LAX1: variants seen among roughly 807,000 people sequenced by gnomAD.
The protein encoded by LAX1 is lymphocyte transmembrane adaptor 1, also known as lymphocyte transmembrane adapter 1.
In LAX1, 17 loss-of-function variants were observed where a neutral mutation model predicts 20.7. The ratio of observed to expected loss-of-function variants is 0.82; its 90% CI spans 0.56 to 1.23. The LOEUF (loss-of-function observed/expected upper bound fraction) is 1.23, where lower values mean the gene tolerates loss of function less well. Ranked by LOEUF, LAX1 falls within the 50% of genes most tolerant of loss-of-function variation. The pLI is 0.00. For synonymous variants in LAX1, 165 were observed against 181.0 expected, an observed-to-expected ratio of 0.91 and a Z score of 0.71; for missense variants, 470 against 487.0, an observed-to-expected ratio of 0.97 and a Z score of 0.33.
At position 203,774,300 on chromosome 1, in the gene LAX1, A is replaced by G. The variant is rs145804271; in HGVS notation, c.816A>G (p.Thr272=). 6 of 1,614,090 alleles carry G rather than the reference A, an allele frequency of 3.7e-6. No homozygotes were observed. In the African/African-American group the frequency reaches 6.7e-5, roughly 18 times the overall value. Reference sequence around the variant, plus strand: ...TCTCAAATGACTATGTCAACATGACAGGGTTGGATCTCAGTGCCATCCAGG... The same window carrying G: ...TCTCAAATGACTATGTCAACATGACGGGGTTGGATCTCAGTGCCATCCAGG... The part of the protein sequence containing the change: ...SQISNDYVNM[T]GLDLSAIQER... Residue 272 remains threonine, a synonymous_variant, in exon 5 of 5, where the codon ACA becomes ACG. Coordinates refer to ENST00000442561, the MANE Select transcript of LAX1 (RefSeq NM_017773.4).
In LAX1 at chr1:203,774,521, C is replaced by T. The variant is rs1386884205; in HGVS notation, c.1037C>T (p.Ala346Val). 3.1e-6 allele frequency: 5 copies of T among 1,614,082 alleles called. No homozygotes were observed. The highest frequency in any genetic ancestry group is 3.3e-5 in the Admixed American group (2 of 60,002). Reference sequence around the variant, plus strand: ...ACATTCCTTGCTTCAGGGGATTATGCAGACTTTCAGCCATTCACACAGAGT... The same window carrying T: ...ACATTCCTTGCTTCAGGGGATTATGTAGACTTTCAGCCATTCACACAGAGT... ...KRTFLASGDYADFQPFTQSED... is the reference protein window; with the variant it reads ...KRTFLASGDYVDFQPFTQSED... Residue 346 changes from alanine (A) to valine (V), a missense_variant, in exon 5 of 5, where the codon GCA becomes GTA. Transcript: ENST00000442561.
chr1:203,772,240 C>T (rs3737973), intron 4 of LAX1, 93 bp downstream of exon 4: 4 of 966,244 alleles, frequency 4.1e-6, no homozygotes, highest in Admixed American at 3.8e-5. Flanking sequence ...TCACTGCAAA[C>T]AAACAGCATG....
At chr1:203,769,306 C>T (rs1007651818) in intron 1 of LAX1, among the ~76,000 whole-genome samples, 4 of 151,074 alleles carry the variant, frequency 2.6e-5, no homozygotes, top group Middle Eastern at 3.4e-3. Flanking sequence ...GCAGGAGAAT[C>T]GCTTGAACCT....
At position 203,774,232 on chromosome 1, in the gene LAX1, G is replaced by A. The variant is rs137986836; in HGVS notation, c.748G>A (p.Glu250Lys). 7.4e-6 allele frequency: 12 copies of A among 1,614,052 alleles called. No individual in the cohort carries two copies. The highest frequency in any genetic ancestry group is 1.0e-5 in the Non-Finnish European group (12 of 1,180,042). ...CACCAGTTTGTATTCTCCAGGAGCT[G>A]AGGACAGTGATTCACTCAGCAATGG... ...DCTSLYSPGA[E>K]DSDSLSNGEG... Residue 250 changes from glutamate to lysine, a missense_variant, in exon 5 of 5, where the codon GAG (glutamate) becomes AAG (lysine). Transcript: ENST00000442561.
intron 2 of LAX1, 30 bp downstream of exon 2, chr1:203,770,967 C>A: frequency 6.7e-7 from 1 of 1,492,766 alleles, no homozygotes; most frequent in Non-Finnish European, 9.4e-7. Context: ...TGAGTTGAGA[C>A]ACAGTAGGAT....
chr1:203,773,346 C>T lies in LAX1; in HGVS notation c.391-529C>T, dbSNP rs191388441. ...GGAGGCACCTGTAATCCCAGCTACT[C>T]AGGAGGTTGAGGCGGGAGAATCGAT... is the stretch of plus-strand genomic sequence containing the variant. On this transcript the variant is annotated intron_variant, in intron 4 of 4. Transcript: ENST00000442561. 1.4e-3 allele frequency among the ~76,000 whole-genome samples: 218 copies of T among 152,098 alleles called. 2 individuals are homozygous for T. The highest frequency in any genetic ancestry group is 5.2e-3 in the African/African-American group (214 of 41,498).
At chr1:203,770,473 G>GAGA (rs1667391929) in intron 1 of LAX1, among the ~76,000 whole-genome samples, 1 of 27,856 alleles carries the variant, frequency 3.6e-5, no homozygotes, top group Non-Finnish European at 8.9e-5. Flanking sequence ...AAGGAAGGAA[G>GAGA]GAAGGAAGGA....
At position 203,765,399 on chromosome 1, in the gene LAX1, T is replaced by C. The variant is rs761259663; in HGVS notation, c.-167T>C. 13 of 1,551,748 alleles carry C rather than the reference T, an allele frequency of 8.4e-6. No individual in the cohort carries two copies. The highest frequency in any genetic ancestry group is 4.8e-5 in the South Asian group (4 of 84,094). ...CCACGTCCAGGTAGAACCAAACCTGTTGCTTTTGTATGTTGGGTCAACTTG... is the reference window on the plus strand; with the variant it reads ...CCACGTCCAGGTAGAACCAAACCTGCTGCTTTTGTATGTTGGGTCAACTTG... On this transcript the variant is annotated 5_prime_UTR_variant, in exon 1 of 5. Transcript: ENST00000442561.
At chr1:203,768,862 G>C (rs917855529) in intron 1 of LAX1, among the ~76,000 whole-genome samples, 2 of 152,164 alleles carry the variant, frequency 1.3e-5, no homozygotes, top group Admixed American at 1.3e-4. Flanking sequence ...GGCAACAGAG[G>C]AGCAAGAGGT....
chr1:203,771,260 C>G (rs544797541), intron 2 of LAX1, 107 bp from the exon 3 acceptor site: 62 of 790,096 alleles, frequency 7.8e-5, no homozygotes, highest in Non-Finnish European at 1.3e-4. Context: ...TTTGTGAGAA[C>G]TGGCAAGGAT....
At chr1:203,766,145 A>G (rs1041588336) in intron 1 of LAX1, among the ~76,000 whole-genome samples, 28 of 152,232 alleles carry the variant, frequency 1.8e-4, no homozygotes, top group African/African-American at 6.5e-4. Flanking sequence ...TCTCATACAA[A>G]CAAAATTAAA....
intron 2 of LAX1, 45 bp downstream of exon 2, chr1:203,770,982 A>T: frequency 6.9e-7 from 1 of 1,442,094 alleles, no homozygotes; most frequent in Non-Finnish European, 9.8e-7. Flanking sequence ...TAGGATTATT[A>T]ATCTAGGCTG....
At chr1:203,765,696 A>G (rs1415408717) in intron 1 of LAX1, 42 bp downstream of exon 1, 34 of 1,588,406 alleles carry the variant, frequency 2.1e-5, no homozygotes, top group Non-Finnish European at 2.8e-5. Context: ...GCCCTGATTT[A>G]GGCAGAAGGT....
Position 203,773,955 on chromosome 1 carries a change from C to A in LAX1, c.471C>A (p.Asn157Lys). ...ATEYAVGIYD[N>K]AMVPQMCGNL... ...AGTACGCGGTGGGTATCTATGACAA[C>A]GCCATGGTCCCCCAGATGTGTGGGA... The change falls in exon 5 of 5, where the codon AAC (asparagine) becomes AAA (lysine). Residue 157 changes from asparagine to lysine, a missense_variant. Asn to Lys is a moderately conservative substitution (Grantham distance 94). Coordinates refer to ENST00000442561, the MANE Select transcript of LAX1 (RefSeq NM_017773.4). 1 of 1,613,942 alleles carries A rather than the reference C, an allele frequency of 6.2e-7. No individual in the cohort carries two copies. The highest frequency in any genetic ancestry group is 8.5e-7 in the Non-Finnish European group (1 of 1,179,978).
chr1:203,774,777 C>A lies in LAX1; in HGVS notation c.*96C>A. 1 of 970,522 alleles carries A rather than the reference C, an allele frequency of 1.0e-6. No individual in the cohort carries two copies. Among genetic ancestry groups the A allele is most frequent in the Non-Finnish European group, 1.5e-6 (1 of 653,538 alleles). 60.1% of individuals were successfully genotyped at this position (970,522 alleles called of 1,614,324 possible). On this transcript the variant is annotated 3_prime_UTR_variant, in exon 5 of 5. Coordinates refer to ENST00000442561, the MANE Select transcript of LAX1 (RefSeq NM_017773.4). The stretch of plus-strand genomic sequence containing the variant: ...GTGCAGACCCGTGATCACCTTAGTG[C>A]TTCAGTGGATTCACTGGTTAGATTA...
intron 1 of LAX1, among the ~76,000 whole-genome samples, chr1:203,766,313 C>T (rs938528593): frequency 3.3e-5 from 5 of 152,048 alleles, no homozygotes; most frequent in Non-Finnish European, 7.4e-5. Context: ...GGTGAAACCC[C>T]GTTTCTACTA....
Position 203,765,284 on chromosome 1 carries a change from G to A in LAX1, c.-282G>A, listed in dbSNP as rs140689630. The stretch of plus-strand genomic sequence containing the variant: ...TGCCCCTCACGTTTCCACCAGAAAC[G>A]TGAAGGCAGAGGCCACAGATTCTCC... On this transcript the variant is annotated 5_prime_UTR_variant, in exon 1 of 5. It adds an upstream start codon to the 5' untranslated region. Transcript: ENST00000442561. The A allele has an allele frequency of 4.1e-4, 604 of 1,484,888 alleles. No individual in the cohort carries two copies. The highest frequency in any genetic ancestry group is 3.8e-4 in the Non-Finnish European group (408 of 1,086,794). The allele number at this position is 1,484,888 out of a possible 1,614,324, so 92.0% of individuals were successfully genotyped here. A position where few individuals can be genotyped will look rare whatever the true frequency, so the allele number is the denominator to read the frequency against.
intron 1 of LAX1, among the ~76,000 whole-genome samples, chr1:203,766,198 T>A (rs558308580): frequency 1.3e-5 from 2 of 152,262 alleles, no homozygotes; most frequent in East Asian, 3.9e-4. Context: ...GGCAGCTGAC[T>A]GGGCGCGGTG....
At chr1:203,772,827 C>G (rs1162997876) in intron 4 of LAX1, among the ~76,000 whole-genome samples, 3 of 151,826 alleles carry the variant, frequency 2.0e-5, no homozygotes, top group Non-Finnish European at 4.4e-5. Flanking sequence ...AGGCACACAC[C>G]ACCACGCCTG....
Sources: gnomAD v4.1 joint callset for allele counts (sites outside exome capture counted in the v4.1 genomes callset) on GRCh38, gnomAD v4.1.1 for gene constraint, MANE v1.5 for transcripts, NCBI Gene and HGNC (gene_info 2026-07-23, HGNC 2026-07-21) for gene names.